RBFOX1: variants seen among roughly 807,000 people sequenced by gnomAD.
RBFOX1 encodes the protein RNA binding protein fox-1 homolog 1.
A neutral mutation model predicts 57.7 loss-of-function variants in RBFOX1; 8 were observed. The observed-to-expected ratio is 0.14, with a 90% CI of 0.08 to 0.25. The LOEUF (loss-of-function observed/expected upper bound fraction) is 0.25, where lower values mean the gene tolerates loss of function less well. Among genes scored for constraint, RBFOX1 ranks in the 10% least tolerant of loss-of-function variants. The pLI is 1.00. For missense variants in RBFOX1, 611 were observed against 548.5 expected, an observed-to-expected ratio of 1.11 and a Z score of -1.14; for synonymous variants, 326 against 222.4, an observed-to-expected ratio of 1.47 and a Z score of -4.15.
chr16:7,460,723 T>C (rs1202575992), intron 4 of RBFOX1, among the ~76,000 whole-genome samples: 1 of 151,848 alleles, frequency 6.6e-6, no homozygotes, highest in African/African-American at 2.4e-5. Flanking sequence ...TAAAAAATTT[T>C]AAACAATGAG....
At chr16:7,575,254 C>T (rs62011666) in intron 5 of RBFOX1, among the ~76,000 whole-genome samples, 2,818 of 152,068 alleles carry the variant, frequency 0.019, 37 homozygotes, top group Non-Finnish European at 0.028. Context: ...CCTGCCTCAC[C>T]CTCCCAAGTA....
Position 6,278,698 on chromosome 16 carries a change from A to G in RBFOX1, c.-126-38297A>G, listed in dbSNP as rs542451790. On this transcript the variant is annotated intron_variant, in intron 1 of 15. Transcript: ENST00000550418. ...TCTCATAATCCTTTATTTGTTATTT[A>G]AAGTATAAATAAATCATAGATATTT... is the stretch of plus-strand genomic sequence containing the variant. Among the ~76,000 whole-genome samples the G allele has an allele frequency of 4.7e-4, 72 of 152,266 alleles. 1 individual carries two copies. The highest frequency in any genetic ancestry group is 3.4e-3 in the Admixed American group (52 of 15,290).
At chr16:6,859,472 G>A (rs1233683239) in intron 3 of RBFOX1, among the ~76,000 whole-genome samples, 2 of 151,886 alleles carry the variant, frequency 1.3e-5, no homozygotes, top group Non-Finnish European at 2.9e-5. Flanking sequence ...AAGAACAGTT[G>A]CTCACTCTTG....
chr16:7,454,938 C>A (rs9925664), intron 4 of RBFOX1, among the ~76,000 whole-genome samples: 3 of 152,020 alleles, frequency 2.0e-5, no homozygotes, highest in East Asian at 3.9e-4. Context: ...GGGCCAACCC[C>A]TTTTCCCAGC....
At chr16:5,879,784 C>T (rs1299063204) in intron 4 of RBFOX1, among the ~76,000 whole-genome samples, 1 of 152,188 alleles carries the variant, frequency 6.6e-6, no homozygotes, top group Non-Finnish European at 1.5e-5. Context: ...ATCTGTTGAC[C>T]TCGCAGTACA....
At chr16:5,266,548 G>GCT (rs1555471946) in intron 1 of RBFOX1, among the ~76,000 whole-genome samples, 2 of 128,010 alleles carry the variant, frequency 1.6e-5, no homozygotes, top group Non-Finnish European at 3.2e-5. Flanking sequence ...GAAATGTTCA[G>GCT]TTTTTTTTTT....
At chr16:5,763,300 A>G (rs1369257024) in intron 3 of RBFOX1, among the ~76,000 whole-genome samples, 1 of 152,182 alleles carries the variant, frequency 6.6e-6, no homozygotes, top group Non-Finnish European at 1.5e-5. Context: ...TGTCTGGGAA[A>G]CACACACAAG....
chr16:7,086,023 C>G (rs577667127), intron 4 of RBFOX1, among the ~76,000 whole-genome samples: 1 of 152,226 alleles, frequency 6.6e-6, no homozygotes, highest in South Asian at 2.1e-4. Context: ...ATTTTCTTAC[C>G]TCTCTGAGAT....
Position 6,468,463 on chromosome 16 carries a change from A to C in RBFOX1, c.-64+151406A>C, listed in dbSNP as rs1165503333. Among the ~76,000 whole-genome samples, 3 of 152,170 alleles carry C rather than the reference A, an allele frequency of 2.0e-5. No homozygotes were observed. In the East Asian group the frequency reaches 5.8e-4, roughly 29 times the overall value. Reference sequence around the variant, plus strand: ...TTAGGACATTGCCATCTGTGGTGGGACATTTCAAACAGAATTAAGTCTAGA... The same window carrying C: ...TTAGGACATTGCCATCTGTGGTGGGCCATTTCAAACAGAATTAAGTCTAGA... On this transcript the variant is annotated intron_variant, in intron 2 of 15. Transcript: ENST00000550418.
intron 1 of RBFOX1, among the ~76,000 whole-genome samples, chr16:5,363,188 A>C (rs1051189487): frequency 6.7e-6 from 1 of 150,168 alleles, no homozygotes; most frequent in South Asian, 2.1e-4. Flanking sequence ...CATGTGCCAC[A>C]GCCCCTGGCT....
chr16:6,887,446 G>C (rs1300727526), intron 3 of RBFOX1, among the ~76,000 whole-genome samples: 1 of 152,064 alleles, frequency 6.6e-6, no homozygotes, highest in East Asian at 1.9e-4. Context: ...GAAAACTAAT[G>C]ATCATTTTCT....
At chr16:7,476,886 A>T (rs914616779) in intron 4 of RBFOX1, among the ~76,000 whole-genome samples, 1 of 152,134 alleles carries the variant, frequency 6.6e-6, no homozygotes, top group African/African-American at 2.4e-5. Context: ...TATGAAATGG[A>T]GATTACATTT....
At chr16:5,554,808 A>G (rs1405213008) in intron 2 of RBFOX1, among the ~76,000 whole-genome samples, 3 of 152,212 alleles carry the variant, frequency 2.0e-5, no homozygotes, top group African/African-American at 7.2e-5. Context: ...AAGTTAATTA[A>G]TTCATTTGTC....
intron 4 of RBFOX1, among the ~76,000 whole-genome samples, chr16:5,920,019 C>T (rs985301738): frequency 2.0e-5 from 3 of 152,206 alleles, no homozygotes; most frequent in Admixed American, 6.5e-5. Context: ...CTGCAAGCTC[C>T]GCCTCCGGGC....
chr16:6,458,616 T>A (rs557492331), intron 2 of RBFOX1, among the ~76,000 whole-genome samples: 40 of 152,294 alleles, frequency 2.6e-4, no homozygotes, highest in African/African-American at 9.4e-4. Flanking sequence ...TATCGTTTCC[T>A]AAGTTGATCA....
Position 7,630,820 on chromosome 16 carries a change from A to C in RBFOX1, c.757+137A>C, listed in dbSNP as rs575335193. ...TCTCTCTGAGGTGAAGTTAATTTTCATAAGCATGTCTGTCTCCCATGCCAC... is the reference window on the plus strand; with the variant it reads ...TCTCTCTGAGGTGAAGTTAATTTTCCTAAGCATGTCTGTCTCCCATGCCAC... On this transcript the variant is annotated intron_variant, in intron 11 of 15. Coordinates refer to ENST00000550418, the MANE Select transcript of RBFOX1 (RefSeq NM_018723.4). The C allele has an allele frequency of 5.5e-5, 81 of 1,460,148 alleles. No homozygotes were observed. The Admixed American group carries it at 9.2e-4, about 17-fold the overall frequency. The allele number at this position is 1,460,148 out of a possible 1,614,324, so 90.4% of individuals were successfully genotyped here. A position where few individuals can be genotyped will look rare whatever the true frequency, so the allele number is the denominator to read the frequency against.
chr16:7,057,703 A>G (rs913935924), intron 4 of RBFOX1, among the ~76,000 whole-genome samples: 2 of 152,164 alleles, frequency 1.3e-5, no homozygotes, highest in Non-Finnish European at 2.9e-5. Flanking sequence ...AGCCATTGCT[A>G]GCTGAGTAAA....
intron 1 of RBFOX1, among the ~76,000 whole-genome samples, chr16:6,157,318 G>A (rs982691403): frequency 6.6e-6 from 1 of 151,874 alleles, no homozygotes; most frequent in African/African-American, 2.4e-5. Context: ...ACTTCTCTGG[G>A]CAAATGGTTG....
intron 1 of RBFOX1, among the ~76,000 whole-genome samples, chr16:5,377,831 T>G (rs2066026241): frequency 6.6e-6 from 1 of 151,604 alleles, no homozygotes. Context: ...TGAAACATTG[T>G]GAGAACATTT....
Sources: gnomAD v4.1 joint callset for allele counts (sites outside exome capture counted in the v4.1 genomes callset) on GRCh38, gnomAD v4.1.1 for gene constraint, MANE v1.5 for transcripts, NCBI Gene and HGNC (gene_info 2026-07-23, HGNC 2026-07-21) for gene names.